Variants in HDAC8 observed in about 807,000 individuals in gnomAD.
The protein encoded by HDAC8 is histone deacetylase 8, also known as histone deacetylase-like 1.
In HDAC8, 1 loss-of-function variant was observed where a neutral mutation model predicts 32.2. The ratio of observed to expected loss-of-function variants is 0.03; its 90% CI spans 0.01 to 0.15. The LOEUF (loss-of-function observed/expected upper bound fraction) is 0.15. HDAC8 is among the 10% of genes least tolerant of loss of function. The probability of loss-of-function intolerance (pLI) is 1.00; values close to 1 mark genes in which losing one functional copy is unlikely to be tolerated. For synonymous variants in HDAC8, 108 were observed against 113.9 expected (o/e 0.95, Z 0.33); for missense variants, 117 against 300.0 (o/e 0.39, Z 4.51).
chrX:72,504,554 A>C (rs1219024006), intron 4 of HDAC8, among the ~76,000 whole-genome samples: 5 of 111,021 alleles, frequency 4.5e-5, no homozygotes, highest in East Asian at 2.8e-4. Flanking sequence ...ACACACACAC[A>C]CCCACACACC....
At chrX:72,345,511 A>G (rs1371247460) in intron 10 of HDAC8, among the ~76,000 whole-genome samples, 1 of 111,428 alleles carries the variant, frequency 9.0e-6, no homozygotes, top group African/African-American at 3.3e-5. Context: ...AGTACCCAGC[A>G]CAGGGTGTTG....
chrX:72,360,061 G>GAA (rs568742516), intron 9 of HDAC8, among the ~76,000 whole-genome samples: 8,992 of 82,514 alleles, frequency 0.11, 662 homozygotes, highest in African/African-American at 0.24. Flanking sequence ...CTCAAAAAAA[G>GAA]AAAAAAAAAA....
rs1055292731 is a variant in HDAC8 at position 72,465,193 on chromosome X, T to C, written c.738-462A>G. On this transcript the variant is annotated intron_variant, in intron 7 of 10. Coordinates refer to ENST00000373573, the MANE Select transcript of HDAC8 (RefSeq NM_018486.3). ...GTGGGGGCTGGGGAGAAGAATTACA[T>C]GCTTTACAAGCATAGATGTTATCAG... is the stretch of plus-strand genomic sequence containing the variant. Among the ~76,000 whole-genome samples the C allele has an allele frequency of 5.4e-5, 6 of 111,759 alleles. No homozygotes were observed. The South Asian group carries it at 1.5e-3, about 29-fold the overall frequency.
At chrX:72,467,839 G>T in intron 7 of HDAC8, 1 of 680,745 alleles carries the variant, frequency 1.5e-6, no homozygotes, top group South Asian at 3.2e-5. Flanking sequence ...TGGTAGAATT[G>T]ATCGGGTAAT....
intron 9 of HDAC8, among the ~76,000 whole-genome samples, chrX:72,460,684 A>G (rs1159497008): frequency 8.9e-6 from 1 of 112,056 alleles, no homozygotes; most frequent in Non-Finnish European, 1.9e-5. Flanking sequence ...TTTGCTTCTC[A>G]GGAATAGAGC....
chrX:72,478,654 C>A (rs1489837556), intron 7 of HDAC8, among the ~76,000 whole-genome samples: 1 of 104,043 alleles, frequency 9.6e-6, no homozygotes, highest in African/African-American at 3.6e-5. Context: ...TTCCTTTAGT[C>A]CTTTTTTTTT....
At position 72,402,413 on chromosome X, in the gene HDAC8, CT is replaced by C. The variant is rs77739404; in HGVS notation, c.1006-50576del. 2.1e-3 allele frequency among the ~76,000 whole-genome samples: 141 copies of C among 68,031 alleles called. No individual in the cohort carries two copies. In the Middle Eastern group the frequency reaches 0.022, roughly 10 times the overall value. 59.1% of individuals were successfully genotyped at this position (68,031 alleles called of 115,157 possible). A position where few individuals can be genotyped will look rare whatever the true frequency, so the allele number is the denominator to read the frequency against. On this transcript the variant is annotated intron_variant, in intron 9 of 10. Coordinates refer to ENST00000373573, the MANE Select transcript of HDAC8 (RefSeq NM_018486.3). ...TGCTTTGGGTTTAGTGTGTTCTTTT[CT>C]TTTTTTTTTTTTTTTAAGTTTCTTA...
At chrX:72,335,619 T>C (rs2043659988) in intron 10 of HDAC8, among the ~76,000 whole-genome samples, 1 of 111,990 alleles carries the variant, frequency 8.9e-6, no homozygotes, top group African/African-American at 3.2e-5. Flanking sequence ...CTATAAACAT[T>C]TTTGTGCAGG....
Position 72,329,539 on chromosome X carries a change from A to G in HDAC8, c.*515T>C, listed in dbSNP as rs1440033260. Reference sequence around the variant, plus strand: ...GGTAGGTTTTCAAAGATTTTATTAAAAAAACCAAAGATATATAACACTAAA... The same window carrying G: ...GGTAGGTTTTCAAAGATTTTATTAAGAAAACCAAAGATATATAACACTAAA... On this transcript the variant is annotated 3_prime_UTR_variant, in exon 11 of 11. Transcript: ENST00000373573. 1.5e-6 allele frequency: 1 copy of G among 665,880 alleles called. No homozygotes were observed. Among genetic ancestry groups the G allele is most frequent in the Non-Finnish European group, 2.2e-6 (1 of 450,917 alleles). 54.9% of individuals were successfully genotyped at this position (665,880 alleles called of 1,213,427 possible).
chrX:72,476,337 G>A (rs2048334277), intron 7 of HDAC8, among the ~76,000 whole-genome samples: 2 of 110,860 alleles, frequency 1.8e-5, no homozygotes, highest in Non-Finnish European at 3.8e-5. Context: ...GGTGGGCAAA[G>A]TGGTAGGCTG....
At chrX:72,473,940 C>A (rs2048256419) in intron 7 of HDAC8, 17 of 706,543 alleles carry the variant, frequency 2.4e-5, no homozygotes, top group African/African-American at 2.4e-5. Flanking sequence ...TGCAACTTCT[C>A]CTCCATGCAC....
chrX:72,502,967 T>G (rs1344506653), intron 4 of HDAC8, among the ~76,000 whole-genome samples: 24 of 111,409 alleles, frequency 2.2e-4, no homozygotes, highest in Non-Finnish European at 3.8e-5. Context: ...CAAAAAAAAT[T>G]TTTGGATTGA....
chrX:72,332,389 T>G (rs1407094439), intron 10 of HDAC8, among the ~76,000 whole-genome samples: 7 of 112,245 alleles, frequency 6.2e-5, no homozygotes, highest in Non-Finnish European at 1.1e-4. Flanking sequence ...CCATTTTACT[T>G]TCCCTCCAGC....
At chrX:72,441,202 C>A (rs954293322) in intron 9 of HDAC8, among the ~76,000 whole-genome samples, 2 of 112,754 alleles carry the variant, frequency 1.8e-5, no homozygotes, top group Non-Finnish European at 1.9e-5. Flanking sequence ...CAGCATGCAG[C>A]TGGAGATCTG....
At chrX:72,499,995 T>C (rs2049154530) in intron 4 of HDAC8, among the ~76,000 whole-genome samples, 1 of 111,595 alleles carries the variant, frequency 9.0e-6, no homozygotes, top group South Asian at 3.8e-4. Flanking sequence ...GAATCTATGA[T>C]GAACACTCTA....
chrX:72,395,609 G>A (rs3012651), intron 9 of HDAC8, among the ~76,000 whole-genome samples: 9,834 of 111,922 alleles, frequency 0.088, 1,048 homozygotes, highest in African/African-American at 0.3. Context: ...AACTTGACAA[G>A]GAAAGTTTTT....
rs782039002 is a variant in HDAC8 at position 72,510,716 on chromosome X, G to A, written c.438-15448C>T. ...GCTAGGGAATAAATTGAGTAGATAG[G>A]TCATGATGAACTAAATTCACTGCTT... On this transcript the variant is annotated intron_variant, in intron 4 of 10. Coordinates refer to ENST00000373573, the MANE Select transcript of HDAC8 (RefSeq NM_018486.3). 2.7e-5 allele frequency among the ~76,000 whole-genome samples: 3 copies of A among 111,553 alleles called. No homozygotes were observed. In the South Asian group the frequency reaches 1.1e-3, roughly 42 times the overall value.
At chrX:72,571,168 C>T (rs1196174000) in intron 2 of HDAC8, among the ~76,000 whole-genome samples, 1 of 111,552 alleles carries the variant, frequency 9.0e-6, no homozygotes, top group African/African-American at 3.3e-5. Context: ...TCATGATCCG[C>T]CTGCCTCAGC....
At chrX:72,453,464 T>TAAAGAA (rs1555988429) in intron 9 of HDAC8, among the ~76,000 whole-genome samples, 2 of 67,247 alleles carry the variant, frequency 3.0e-5, no homozygotes, top group Non-Finnish European at 5.4e-5. Flanking sequence ...CTCTTAAAAA[T>TAAAGAA]AAAGAAAGAA....
Sources: allele counts gnomAD v4.1 joint callset (sites outside exome capture counted in the v4.1 genomes callset), GRCh38; gene constraint gnomAD v4.1.1; transcripts MANE v1.5; gene names NCBI Gene and HGNC (gene_info 2026-07-23, HGNC 2026-07-21).